Variants in RAB31 observed in about 807,000 individuals in gnomAD.
The protein encoded by RAB31 is ras-related protein Rab-31.
In RAB31, 21 loss-of-function variants were observed where a neutral mutation model predicts 25.6. That is an observed-to-expected ratio of 0.82 (90% CI 0.58 to 1.18). RAB31 has a LOEUF of 1.18. Among genes scored for constraint, RAB31 ranks in the 50% most tolerant of loss-of-function variants. RAB31 has a pLI of 0.00. For synonymous variants in RAB31, 87 were observed against 84.0 expected (o/e 1.04, Z -0.20); for missense variants, 196 against 250.1 (o/e 0.78, Z 1.46).
At chr18:9,747,151 A>T (rs138778947) in intron 1 of RAB31, among the ~76,000 whole-genome samples, 2 of 152,250 alleles carry the variant, frequency 1.3e-5, no homozygotes, top group Admixed American at 6.5e-5. Context: ...CAAGAAGCAC[A>T]TAAAAAGCTG....
chr18:9,745,588 G>A (rs1049769967), intron 1 of RAB31, among the ~76,000 whole-genome samples: 2 of 152,178 alleles, frequency 1.3e-5, no homozygotes, highest in Non-Finnish European at 2.9e-5. Flanking sequence ...TATACACCAT[G>A]ACCAGATGGG....
intron 1 of RAB31, among the ~76,000 whole-genome samples, chr18:9,772,170 G>C (rs1418240241): frequency 6.6e-6 from 1 of 152,098 alleles, no homozygotes; most frequent in Non-Finnish European, 1.5e-5. Flanking sequence ...ACATCCCTTG[G>C]GAGAGTAAAT....
At position 9,766,117 on chromosome 18, in the gene RAB31, G is replaced by A. The variant is rs962286096; in HGVS notation, c.40-9161G>A. 7.2e-5 allele frequency among the ~76,000 whole-genome samples: 11 copies of A among 152,134 alleles called. No individual in the cohort carries two copies. Among genetic ancestry groups the A allele is most frequent in the Non-Finnish European group, 5.9e-5 (4 of 68,020 alleles). ...TTCCTGGATTGAGCTTCCTGAGCCC[G>A]TTTGTCTTCTGCTCTGAGTTGACCC... On this transcript the variant is annotated intron_variant, in intron 1 of 6. Coordinates refer to ENST00000578921, the MANE Select transcript of RAB31 (RefSeq NM_006868.4). This position sits in a 1 kb window ranked among gnomAD's most constrained non-coding sequence, Gnocchi z 4.3.
rs868141335 is a variant in RAB31, at chr18:9,794,618, C to A, written c.201+2383C>A. Among the ~76,000 whole-genome samples the A allele has an allele frequency of 3.3e-5, 5 of 152,040 alleles. No homozygotes were observed. The South Asian group carries it at 1.0e-3, about 32-fold the overall frequency. ...GATCATGAGGTCAGGAGTTCGAGAC[C>A]AGCCTGGCCAATATGGTAAAACCTT... On this transcript the variant is annotated intron_variant, in intron 3 of 6. Coordinates refer to ENST00000578921, the MANE Select transcript of RAB31 (RefSeq NM_006868.4).
chr18:9,715,392 T>A (rs2068038749), intron 1 of RAB31, among the ~76,000 whole-genome samples: 1 of 150,218 alleles, frequency 6.7e-6, no homozygotes, highest in Non-Finnish European at 1.5e-5. Flanking sequence ...CTGGGTCTTT[T>A]ATTTTTAATT....
intron 3 of RAB31, among the ~76,000 whole-genome samples, chr18:9,807,249 C>T (rs1167261599): frequency 6.6e-6 from 1 of 152,144 alleles, no homozygotes; most frequent in Non-Finnish European, 1.5e-5. Flanking sequence ...TCGGAGGCCT[C>T]CTCAGGGCTG....
At chr18:9,830,410 A>T (rs1393183485) in intron 5 of RAB31, 1 of 152,216 alleles carries the variant, frequency 6.6e-6, no homozygotes, top group African/African-American at 2.4e-5. Flanking sequence ...ATCAGCACTG[A>T]AGTTTCCACC....
intron 1 of RAB31, among the ~76,000 whole-genome samples, chr18:9,722,390 C>T (rs993468036): frequency 3.3e-5 from 5 of 152,082 alleles, no homozygotes; most frequent in African/African-American, 4.8e-5. Flanking sequence ...AGCTGACAAA[C>T]GTTGCTGATG....
At position 9,859,570 on chromosome 18, in the gene RAB31, G is replaced by T; in HGVS notation, c.*245G>T. ...TAGTGTATGAAATGCACATGGAGGG[G>T]ATGTAGTTGCATTTTTGCTAAAAAA... On this transcript the variant is annotated 3_prime_UTR_variant, in exon 7 of 7. Coordinates refer to ENST00000578921, the MANE Select transcript of RAB31 (RefSeq NM_006868.4). The T allele has an allele frequency of 5.9e-6, 2 of 337,082 alleles. No individual in the cohort carries two copies. Among genetic ancestry groups the T allele is most frequent in the Non-Finnish European group, 1.1e-5 (2 of 189,742 alleles). 20.9% of individuals were successfully genotyped at this position (337,082 alleles called of 1,614,324 possible).
At chr18:9,724,906 A>C (rs1354178574) in intron 1 of RAB31, among the ~76,000 whole-genome samples, 1 of 152,190 alleles carries the variant, frequency 6.6e-6, no homozygotes, top group African/African-American at 2.4e-5. Flanking sequence ...AATATTTCTC[A>C]CAGTTCTGTA....
At chr18:9,798,771 AC>A (rs139292439) in intron 3 of RAB31, among the ~76,000 whole-genome samples, 1 of 141,094 alleles carries the variant, frequency 7.1e-6, no homozygotes, top group African/African-American at 2.6e-5. Context: ...AGTGTATGCC[AC>A]CATGCGCAGC....
intron 6 of RAB31, among the ~76,000 whole-genome samples, chr18:9,851,553 A>T (rs1290664245): frequency 6.6e-6 from 1 of 152,194 alleles, no homozygotes; most frequent in African/African-American, 2.4e-5. Context: ...CACACAGCTA[A>T]TAAGTGAGAG....
intron 1 of RAB31, among the ~76,000 whole-genome samples, chr18:9,771,570 C>A (rs1478330949): frequency 1.3e-5 from 2 of 152,154 alleles, no homozygotes; most frequent in African/African-American, 4.8e-5. Flanking sequence ...GTGTCACAGC[C>A]CTAGCGAGTT....
chr18:9,761,989 G>A (rs2068291507), intron 1 of RAB31, among the ~76,000 whole-genome samples: 1 of 152,072 alleles, frequency 6.6e-6, no homozygotes. Flanking sequence ...AATATTTTTA[G>A]TAGAGATGGG....
chr18:9,751,999 C>G (rs945208404), intron 1 of RAB31, among the ~76,000 whole-genome samples: 2 of 152,198 alleles, frequency 1.3e-5, no homozygotes, highest in Non-Finnish European at 2.9e-5. Context: ...CCTGAGAGTG[C>G]TGTCTTCTGG....
intron 1 of RAB31, among the ~76,000 whole-genome samples, chr18:9,719,328 TAAATAA>T (rs142552307): frequency 0.049 from 2,839 of 57,364 alleles, 378 homozygotes; most frequent in East Asian, 0.11. Flanking sequence ...TATATATATA[TAAATAA>T]ATAAATTTGA....
chr18:9,729,391 G>A (rs1231380956), intron 1 of RAB31, among the ~76,000 whole-genome samples: 4 of 152,032 alleles, frequency 2.6e-5, no homozygotes, highest in Admixed American at 2.0e-4. Context: ...GCCGGGCGTG[G>A]TGGTGGGCAC....
intron 5 of RAB31, among the ~76,000 whole-genome samples, chr18:9,843,801 G>T (rs1450599952): frequency 6.6e-6 from 1 of 152,160 alleles, no homozygotes; most frequent in Non-Finnish European, 1.5e-5. Flanking sequence ...TCTTTTGGCT[G>T]AGAGGCTGGG....
In RAB31 at chr18:9,860,059, A is replaced by G. The variant is rs547680866; in HGVS notation, c.*734A>G. On this transcript the variant is annotated 3_prime_UTR_variant, in exon 7 of 7. Coordinates refer to ENST00000578921, the MANE Select transcript of RAB31 (RefSeq NM_006868.4). ...TGAAAGAGTGATTTAAGTAATCACT[A>G]TGTAAGTGGTGAGAGATGCAGGACA... is the stretch of plus-strand genomic sequence containing the variant. 3.9e-5 allele frequency: 6 copies of G among 152,226 alleles called. No homozygotes were observed. The highest frequency in any genetic ancestry group is 7.3e-5 in the Non-Finnish European group (5 of 68,032). The allele number at this position is 152,226 out of a possible 1,614,324, so 9.4% of individuals were successfully genotyped here.
Sources: allele counts gnomAD v4.1 joint callset (sites outside exome capture counted in the v4.1 genomes callset), GRCh38; gene constraint gnomAD v4.1.1; non-coding constraint Gnocchi (gnomAD v3.1); transcripts MANE v1.5; gene names NCBI Gene and HGNC (gene_info 2026-07-23, HGNC 2026-07-21).